CLNK: variants seen among roughly 807,000 people sequenced by gnomAD.
CLNK encodes the protein cytokine dependent hematopoietic cell linker.
A neutral mutation model predicts 68.6 loss-of-function variants in CLNK; 74 were observed. The ratio of observed to expected loss-of-function variants is 1.08; its 90% confidence interval spans 0.89 to 1.31. The LOEUF (loss-of-function observed/expected upper bound fraction) is 1.31, where lower values mean the gene tolerates loss of function less well. CLNK is among the 50% of genes most tolerant of loss of function. The pLI is 0.00. For missense variants in CLNK, 553 were observed against 515.3 expected (o/e 1.07, Z -0.71); for synonymous variants, 198 against 172.2 (o/e 1.15, Z -1.17).
At chr4:10,499,983 A>C (rs1716973442) in intron 18 of CLNK, among the ~76,000 whole-genome samples, 1 of 152,198 alleles carries the variant, frequency 6.6e-6, no homozygotes, top group African/African-American at 2.4e-5. Context: ...ACTGAGGGTT[A>C]GGACTTCAAC....
upstream of CLNK, among the ~76,000 whole-genome samples, chr4:10,686,795 A>G (rs564226844): frequency 1.6e-4 from 25 of 152,286 alleles, 1 homozygote; most frequent in South Asian, 5.0e-3. Flanking sequence ...CTAGACTGCA[A>G]TAAGAACCCA....
intron 2 of CLNK, among the ~76,000 whole-genome samples, chr4:10,648,565 C>T (rs141722934): frequency 1.1e-4 from 16 of 152,282 alleles, no homozygotes; most frequent in African/African-American, 3.9e-4. Context: ...CTACTTCAAG[C>T]ATGGTCATAT....
chr4:10,683,903 C>G (rs1371989186), intron 1 of CLNK, among the ~76,000 whole-genome samples: 3 of 152,122 alleles, frequency 2.0e-5, no homozygotes, highest in African/African-American at 7.2e-5. Flanking sequence ...ACAAGTAATA[C>G]TCATAACAGA....
intron 4 of CLNK, among the ~76,000 whole-genome samples, chr4:10,576,612 C>T (rs1450648745): frequency 2.0e-5 from 3 of 152,202 alleles, no homozygotes; most frequent in Non-Finnish European, 4.4e-5. Flanking sequence ...CTGCAGAGGT[C>T]CAGCCAAGGA....
At chr4:10,598,073 T>A in intron 2 of CLNK, 24 bp from the exon 3 acceptor site, 1 of 1,502,590 alleles carries the variant, frequency 6.7e-7, no homozygotes, top group Non-Finnish European at 9.1e-7. Context: ...AAATAAATTA[T>A]AGCTGGGAAA....
rs200431324 is a variant in CLNK at position 10,507,987 on chromosome 4, A to C, written c.956T>G (p.Val319Gly). ...WYIGEYSRQA[V>G]EEAFMKENKD... ...GTTCTCCTTCATGAATGCCTCTTCCACTGCCTGGCGGCTGTATTCTCCAAT... is the reference window on the plus strand; with the variant it reads ...GTTCTCCTTCATGAATGCCTCTTCCCCTGCCTGGCGGCTGTATTCTCCAAT... Residue 319 changes from valine (V) to glycine (G), a missense_variant, in exon 17 of 19, where the codon GTG becomes GGG. Val to Gly is a moderately radical substitution (Grantham distance 109, BLOSUM62 -3). Transcript: ENST00000226951. 1.4e-4 allele frequency: 230 copies of C among 1,610,494 alleles called. No homozygotes were observed. The highest frequency in any genetic ancestry group is 1.7e-4 in the Non-Finnish European group (201 of 1,178,498).
chr4:10,593,702 G>A (rs1040320077), intron 3 of CLNK, among the ~76,000 whole-genome samples: 4 of 152,086 alleles, frequency 2.6e-5, no homozygotes, highest in African/African-American at 7.2e-5. Context: ...GAGGACTCCC[G>A]TCTCCAAAGG....
the CLNK span, among the ~76,000 whole-genome samples, chr4:10,699,512 A>ATTTTTTTT: frequency 2.5e-3 from 81 of 32,714 alleles, 1 homozygote; most frequent in Non-Finnish European, 3.1e-3. Context: ...ATATATATAT[A>ATTTTTTTT]TTTTTTTTTT....
intron 1 of CLNK, among the ~76,000 whole-genome samples, chr4:10,678,726 C>T (rs1359835130): frequency 2.6e-5 from 4 of 152,062 alleles, no homozygotes; most frequent in Non-Finnish European, 5.9e-5. Flanking sequence ...TTCTTATACA[C>T]CAATAACAGA....
intron 1 of CLNK, among the ~76,000 whole-genome samples, chr4:10,683,918 C>T (rs1292610950): frequency 1.3e-5 from 2 of 152,104 alleles, no homozygotes; most frequent in African/African-American, 4.8e-5. Flanking sequence ...AACAGAGAAG[C>T]CAAATGAGTA....
the CLNK span, among the ~76,000 whole-genome samples, chr4:10,716,719 GT>G: frequency 6.8e-6 from 1 of 146,938 alleles, no homozygotes; most frequent in South Asian, 2.2e-4. Flanking sequence ...TGGAGACAGA[GT>G]TTCACTCTTG....
At chr4:10,620,083 A>G (rs1205321876) in intron 2 of CLNK, among the ~76,000 whole-genome samples, 1 of 152,156 alleles carries the variant, frequency 6.6e-6, no homozygotes, top group East Asian at 1.9e-4. Flanking sequence ...CAAGTGAGAA[A>G]TTCTGCGCAT....
At chr4:10,656,864 T>C (rs145154117) in intron 2 of CLNK, among the ~76,000 whole-genome samples, 180 of 152,274 alleles carry the variant, frequency 1.2e-3, no homozygotes, top group African/African-American at 4.2e-3. Flanking sequence ...AAAAATATTA[T>C]ATTTCCATAA....
chr4:10,544,407 G>T (rs1210992209), intron 8 of CLNK, among the ~76,000 whole-genome samples: 2 of 152,180 alleles, frequency 1.3e-5, no homozygotes, highest in Non-Finnish European at 2.9e-5. Flanking sequence ...AAATAAAGTT[G>T]CTATTCCCAT....
At chr4:10,697,077 C>G in the CLNK span, 1 of 152,220 alleles carries the variant, frequency 6.6e-6, no homozygotes, top group Non-Finnish European at 1.5e-5. Context: ...CTATGAATAG[C>G]AAACCCAACT....
chr4:10,660,110 A>G (rs10516208), intron 2 of CLNK, among the ~76,000 whole-genome samples: 67,425 of 152,126 alleles, frequency 0.44, 15,521 homozygotes, highest in East Asian at 0.51. Context: ...AACTATCATC[A>G]TGGATCAGGT....
chr4:10,643,573 CCA>C, intron 2 of CLNK, among the ~76,000 whole-genome samples: 1 of 152,346 alleles, frequency 6.6e-6, no homozygotes, highest in African/African-American at 2.4e-5. Flanking sequence ...AGATATGCAG[CCA>C]CGCTCAGGCG....
intron 6 of CLNK, among the ~76,000 whole-genome samples, chr4:10,565,262 T>C (rs1349781595): frequency 1.3e-5 from 2 of 152,388 alleles, no homozygotes; most frequent in African/African-American, 2.4e-5. Context: ...TGGCACGTAG[T>C]AGATGCTCAA....
At chr4:10,661,806 C>T (rs1021541456) in intron 2 of CLNK, among the ~76,000 whole-genome samples, 4 of 152,120 alleles carry the variant, frequency 2.6e-5, no homozygotes, top group Non-Finnish European at 5.9e-5. Flanking sequence ...CTTGCTGTTT[C>T]CTAAGTCATA....
Sources: gnomAD v4.1 joint callset for allele counts (sites outside exome capture counted in the v4.1 genomes callset) on GRCh38, gnomAD v4.1.1 for gene constraint, MANE v1.5 for transcripts, NCBI Gene and HGNC (gene_info 2026-07-23, HGNC 2026-07-21) for gene names.